ACBD5: variants seen among roughly 807,000 people sequenced by gnomAD.
The protein encoded by ACBD5 is acyl-CoA binding domain containing 5, also known as acyl-CoA-binding domain-containing protein 5.
A neutral mutation model predicts 71.8 loss-of-function variants in ACBD5; 40 were observed. The observed-to-expected ratio is 0.56, with a 90% CI of 0.43 to 0.72. The LOEUF (loss-of-function observed/expected upper bound fraction) is 0.72, where lower values mean the gene tolerates loss of function less well. ACBD5 is among the 30% of genes least tolerant of loss of function. The pLI is 0.00. For missense variants in ACBD5, 559 were observed against 644.5 expected (o/e 0.87, Z 1.44); for synonymous variants, 229 against 218.6 (o/e 1.05, Z -0.42).
At chr10:27,232,724 C>A (rs1490930914) in intron 3 of ACBD5, among the ~76,000 whole-genome samples, 1 of 152,140 alleles carries the variant, frequency 6.6e-6, no homozygotes, top group Non-Finnish European at 1.5e-5. Flanking sequence ...GAAATGGTTT[C>A]TCACTTCTAG....
chr10:27,186,573 A>C, intron 13 of ACBD5: 1 of 1,551,204 alleles, frequency 6.4e-7, no homozygotes, highest in Non-Finnish European at 8.9e-7. Context: ...CTTGTGTTAT[A>C]GAATGAACTT....
chr10:27,190,744 A>C (rs1328680882), downstream of ACBD5, among the ~76,000 whole-genome samples: 1 of 152,230 alleles, frequency 6.6e-6, no homozygotes, highest in Non-Finnish European at 1.5e-5. Flanking sequence ...TGTACGGGAC[A>C]ACATTTGAAG....
chr10:27,211,207 C>CT, intron 8 of ACBD5, 126 bp from the exon 9 acceptor site: 1 of 1,029,582 alleles, frequency 9.7e-7, no homozygotes, highest in South Asian at 1.5e-5. Flanking sequence ...TGGAAATATT[C>CT]TTTTTCTAAA....
chr10:27,240,350 G>C lies in ACBD5; in HGVS notation c.150C>G (p.Ala50=), dbSNP rs139249547. The C allele has an allele frequency of 3.0e-4, 489 of 1,613,986 alleles. No homozygotes were observed. In the African/African-American group the frequency reaches 6.0e-3, roughly 20 times the overall value. The change falls in exon 2 of 13, where the codon GCC becomes GCG. Residue 50 remains alanine (A), a synonymous_variant. Transcript: ENST00000396271. The surrounding 1 kb of genome is among the most constrained non-coding windows in gnomAD (Gnocchi z 4.1). ...RSVHETRFEA[A]VKVIQSLPKN... ...TCGGCAAACTCTGGATCACCTTCAC[G>C]GCCGCCTCAAACCTAGTCTCGTGCA...
chr10:27,240,458 C>A lies in ACBD5; in HGVS notation c.42G>T (p.Trp14Cys). The part of the protein sequence containing the change: ...LSFHAGSWES[W>C]CCCCLIPADR... ...CGGCGGGAATCAGGCAGCAGCAGCA[C>A]CAGCTTTCCCAAGAGCCTGCATGAA... is the stretch of plus-strand genomic sequence containing the variant. The change falls in exon 2 of 13, where the codon TGG becomes TGT. Residue 14 changes from tryptophan (W) to cysteine (C), a missense_variant. Coordinates refer to ENST00000396271, the MANE Select transcript of ACBD5 (RefSeq NM_145698.5). The surrounding 1 kb of genome is among the most constrained non-coding windows in gnomAD (Gnocchi z 4.1). 5 of 1,613,286 alleles carry A rather than the reference C, an allele frequency of 3.1e-6. No individual in the cohort carries two copies. Among genetic ancestry groups the A allele is most frequent in the Non-Finnish European group, 4.2e-6 (5 of 1,179,584 alleles).
chr10:27,214,166 T>C (rs1018936542), intron 8 of ACBD5, among the ~76,000 whole-genome samples: 4 of 152,152 alleles, frequency 2.6e-5, no homozygotes, highest in African/African-American at 9.7e-5. Context: ...ATCTAGTACC[T>C]GATAGCACAG....
Position 27,215,710 on chromosome 10 carries a change from G to T in ACBD5, c.830-69C>A, listed in dbSNP as rs933824577. The T allele has an allele frequency of 4.3e-6, 5 of 1,156,854 alleles. No individual in the cohort carries two copies. The Admixed American group carries it at 9.9e-5, about 23-fold the overall frequency. The allele number at this position is 1,156,854 out of a possible 1,614,324, so 71.7% of individuals were successfully genotyped here. A position where few individuals can be genotyped will look rare whatever the true frequency, so the allele number is the denominator to read the frequency against. ...AGAAGAAAAACAAATTTATTCCTTT[G>T]TTTTTTTGAGATGGAGTCTTGCTCT... On this transcript the variant is annotated intron_variant, in intron 7 of 12. Coordinates refer to ENST00000396271, the MANE Select transcript of ACBD5 (RefSeq NM_145698.5).
At chr10:27,190,725 A>G (rs2059042764), downstream of ACBD5, among the ~76,000 whole-genome samples, 3 of 152,244 alleles carry the variant, frequency 2.0e-5, no homozygotes, top group Non-Finnish European at 4.4e-5. Context: ...AACTGTGTGG[A>G]AAGTGTATTG....
Position 27,208,136 on chromosome 10 carries a change from T to TA in ACBD5, c.1404+109dup. 3 of 1,193,716 alleles carry TA rather than the reference T, an allele frequency of 2.5e-6. No homozygotes were observed. The South Asian group carries it at 3.9e-5, about 15-fold the overall frequency. 73.9% of individuals were successfully genotyped at this position (1,193,716 alleles called of 1,614,324 possible). A position where few individuals can be genotyped will look rare whatever the true frequency, so the allele number is the denominator to read the frequency against. On this transcript the variant is annotated intron_variant, in intron 10 of 12. Coordinates refer to ENST00000396271, the MANE Select transcript of ACBD5 (RefSeq NM_145698.5). ...ATTTTCAAAACCAAGTTCTATTTTCTAAAAAAATCAGTAAAATACATTAAT... is the reference window on the plus strand; with the variant it reads ...ATTTTCAAAACCAAGTTCTATTTTCTAAAAAAAATCAGTAAAATACATTAAT...
In ACBD5 at chr10:27,215,583, T is replaced by G. The variant is rs1238628490; in HGVS notation, c.888A>C (p.Ser296=). Residue 296 remains serine, a synonymous_variant, in exon 8 of 13, where the codon TCA becomes TCC. Coordinates refer to ENST00000396271, the MANE Select transcript of ACBD5 (RefSeq NM_145698.5). ...VTGIQHLTSD[S]DSEVYCDSME... is the part of the protein sequence containing the mutation. ...TAGAATCACAGTAAACTTCACTGTC[T>G]GAATCGCTTGTCAAATGCTGAATTC... is the stretch of plus-strand genomic sequence containing the variant. The G allele has an allele frequency of 8.7e-6, 14 of 1,613,556 alleles. No homozygotes were observed. The highest frequency in any genetic ancestry group is 1.2e-5 in the Non-Finnish European group (14 of 1,179,780).
intron 2 of ACBD5, among the ~76,000 whole-genome samples, chr10:27,237,463 C>T (rs977329106): frequency 6.6e-6 from 1 of 152,156 alleles, no homozygotes; most frequent in Non-Finnish European, 1.5e-5. Flanking sequence ...TTGCTCTTTG[C>T]ATAATGATTC....
Position 27,204,138 on chromosome 10 carries a change from CAAAAAAA to C in ACBD5, c.1565+295_1565+301del, listed in dbSNP as rs11346187. ...TGGGCAACAAAACGGGACCCAGTCT[CAAAAAAA>C]AAAAAAAAAAAAAAAAAAAAGATGC... On this transcript the variant is annotated intron_variant, in intron 12 of 12. Coordinates refer to ENST00000396271, the MANE Select transcript of ACBD5 (RefSeq NM_145698.5). Among the ~76,000 whole-genome samples the C allele has an allele frequency of 7.2e-4, 33 of 45,752 alleles. No homozygotes were observed. In the East Asian group the frequency reaches 0.015, roughly 21 times the overall value. The allele number at this position is 45,752 out of a possible 152,430, so 30.0% of individuals were successfully genotyped here.
At chr10:27,191,045 T>C (rs1445919211), downstream of ACBD5, among the ~76,000 whole-genome samples, 1 of 152,210 alleles carries the variant, frequency 6.6e-6, no homozygotes, top group Non-Finnish European at 1.5e-5. Context: ...AAATGGTATG[T>C]CTGCAAATTC....
intron 3 of ACBD5, among the ~76,000 whole-genome samples, chr10:27,232,941 T>A (rs193140856): frequency 5.8e-4 from 88 of 152,240 alleles, no homozygotes; most frequent in Non-Finnish European, 1.1e-3. Context: ...TTAAATAATA[T>A]TTAATACTAC....
chr10:27,195,824 A>G lies in ACBD5; in HGVS notation c.*1606T>C, dbSNP rs2059331884. The G allele has an allele frequency of 4.5e-6, 2 of 442,432 alleles. No homozygotes were observed. The highest frequency in any genetic ancestry group is 3.2e-5 in the South Asian group (2 of 61,668). 27.4% of individuals were successfully genotyped at this position (442,432 alleles called of 1,614,324 possible). On this transcript the variant is annotated 3_prime_UTR_variant, in exon 13 of 13. Transcript: ENST00000396271. ...AGGCAAACAAAGAACCATTCTGTAT[A>G]CTAAAGACAGATTATTTCTTATTTA...
At chr10:27,209,525 G>A (rs1027390082) in intron 9 of ACBD5, among the ~76,000 whole-genome samples, 2 of 152,116 alleles carry the variant, frequency 1.3e-5, no homozygotes, top group African/African-American at 4.8e-5. Flanking sequence ...GTTTCACATT[G>A]TTGGCTAGGC....
At chr10:27,217,604 C>T (rs2137358932) in intron 7 of ACBD5, among the ~76,000 whole-genome samples, 1 of 152,204 alleles carries the variant, frequency 6.6e-6, no homozygotes, top group Non-Finnish European at 1.5e-5. Flanking sequence ...CACTTGAACC[C>T]AGGAATTCCA....
intron 8 of ACBD5, among the ~76,000 whole-genome samples, chr10:27,214,137 T>C (rs1564620824): frequency 6.6e-6 from 1 of 152,158 alleles, no homozygotes; most frequent in Non-Finnish European, 1.5e-5. Flanking sequence ...CTCATGGAGA[T>C]AGAGATACAA....
intron 2 of ACBD5, among the ~76,000 whole-genome samples, chr10:27,235,820 A>C (rs1198869498): frequency 1.3e-5 from 2 of 152,178 alleles, no homozygotes; most frequent in South Asian, 4.1e-4. Flanking sequence ...CATGTTTAAA[A>C]TTTTTAAATT....
Sources: allele counts gnomAD v4.1 joint callset (sites outside exome capture counted in the v4.1 genomes callset), GRCh38; gene constraint gnomAD v4.1.1; non-coding constraint Gnocchi (gnomAD v3.1); transcripts MANE v1.5; gene names NCBI Gene and HGNC (gene_info 2026-07-23, HGNC 2026-07-21).